Variants in ATP2C1 observed in about 807,000 individuals in gnomAD.
ATP2C1 encodes calcium-transporting ATPase type 2C member 1.
A neutral mutation model predicts 120.5 loss-of-function variants in ATP2C1; 31 were observed. That is an observed-to-expected ratio of 0.26 (90% confidence interval 0.19 to 0.35). The LOEUF (loss-of-function observed/expected upper bound fraction) is 0.35. Ranked by LOEUF, ATP2C1 falls within the 10% of genes least tolerant of loss-of-function variation. The pLI is 1.00. For synonymous variants in ATP2C1, 351 were observed against 358.7 expected (o/e 0.98, Z 0.24); for missense variants, 731 against 1,107.5 (o/e 0.66, Z 4.83).
chr3:130,894,170 C>CAA lies in ATP2C1; in HGVS notation c.-348_-347insAA. 3.4e-6 allele frequency: 2 copies of CAA among 590,702 alleles called. No homozygotes were observed. The highest frequency in any genetic ancestry group is 4.2e-6 in the Non-Finnish European group (2 of 470,944). The allele number at this position is 590,702 out of a possible 1,614,324, so 36.6% of individuals were successfully genotyped here. The stretch of plus-strand genomic sequence containing the variant: ...TCTCTCCCCTCCCCGCCCGCCCTCT[C>CAA]TCCCTCCCTTCCTCCCTCCCGCTCG... On this transcript the variant is annotated 5_prime_UTR_variant, in exon 1 of 28. Transcript: ENST00000510168. This position sits in a 1 kb window ranked among gnomAD's most constrained non-coding sequence, Gnocchi z 4.5.
upstream of ATP2C1, among the ~76,000 whole-genome samples, chr3:130,890,993 C>T (rs992733393): frequency 3.3e-5 from 5 of 152,186 alleles, no homozygotes; most frequent in African/African-American, 1.2e-4. Context: ...AAGAGGATCT[C>T]TTGAGCCTAG....
rs1248084055 is a variant in ATP2C1 at position 130,990,278 on chromosome 3, C to CG, written c.1840-2673_1840-2672insG. Among the ~76,000 whole-genome samples the CG allele has an allele frequency of 2.2e-5, 3 of 136,840 alleles. No individual in the cohort carries two copies. The East Asian group carries it at 6.9e-4, about 32-fold the overall frequency. 89.8% of individuals were successfully genotyped at this position (136,840 alleles called of 152,430 possible). A position where few individuals can be genotyped will look rare whatever the true frequency, so the allele number is the denominator to read the frequency against. On this transcript the variant is annotated intron_variant, in intron 20 of 27. Coordinates refer to ENST00000510168, the MANE Select transcript of ATP2C1 (RefSeq NM_001378687.1). ...AAATAAGTGCTTAAGAGCAACCCCC[C>CG]CCCCCACAAAAAAAGGCAAAATTTG...
At chr3:131,015,291 C>T in intron 26 of ATP2C1, 1 of 690,332 alleles carries the variant, frequency 1.4e-6, no homozygotes, top group Non-Finnish European at 2.6e-6. Flanking sequence ...AGCCCCTCCC[C>T]CCACAGAGTT....
intron 1 of ATP2C1, among the ~76,000 whole-genome samples, chr3:130,888,067 G>A (rs2107851960): frequency 6.6e-6 from 1 of 152,270 alleles, no homozygotes; most frequent in Admixed American, 6.5e-5. Flanking sequence ...GCCAGGTGTG[G>A]ATCCTTCCCT....
intron 8 of ATP2C1, among the ~76,000 whole-genome samples, chr3:130,946,499 C>T (rs750140425): frequency 1.4e-4 from 21 of 152,176 alleles, no homozygotes; most frequent in Non-Finnish European, 2.6e-4. Flanking sequence ...CAGAAATAAT[C>T]TCCTTGACTG....
upstream of ATP2C1, among the ~76,000 whole-genome samples, chr3:130,893,262 T>C (rs142823576): frequency 4.1e-3 from 625 of 152,300 alleles, 9 homozygotes; most frequent in Admixed American, 0.017. Flanking sequence ...AAAGAAGTGC[T>C]CGTTCATTGG....
At position 130,941,506 on chromosome 3, in the gene ATP2C1, G is replaced by A. The variant is rs2059917850; in HGVS notation, c.423-85G>A. On this transcript the variant is annotated intron_variant, in intron 7 of 27. Coordinates refer to ENST00000510168, the MANE Select transcript of ATP2C1 (RefSeq NM_001378687.1). ...GGTTCTTATATTTGCCTTTTCCTCA[G>A]ACAAGCCTACTGGAAATAATTTTTT... 2.7e-6 allele frequency: 3 copies of A among 1,116,704 alleles called. No homozygotes were observed. In the East Asian group the frequency reaches 7.2e-5, roughly 27 times the overall value. 69.2% of individuals were successfully genotyped at this position (1,116,704 alleles called of 1,614,324 possible).
chr3:130,918,593 T>G (rs1283729354), intron 2 of ATP2C1: 1 of 711,032 alleles, frequency 1.4e-6, no homozygotes, highest in Non-Finnish European at 2.7e-6. Flanking sequence ...AACTGTAGCC[T>G]TTTGGCCCAT....
Position 130,996,040 on chromosome 3 carries a change from C to T in ATP2C1, c.2058-3C>T, listed in dbSNP as rs373327312. ...CACTTCATCTTTATTTTTTAAATTT[C>T]AGGTCTGCAATCGAAGAGGGTAAAG... On this transcript the variant is annotated splice_polypyrimidine_tract_variant and splice_region_variant and intron_variant, in intron 22 of 27. Coordinates refer to ENST00000510168, the MANE Select transcript of ATP2C1 (RefSeq NM_001378687.1). The T allele has an allele frequency of 8.7e-5, 135 of 1,557,018 alleles. No homozygotes were observed. Among genetic ancestry groups the T allele is most frequent in the Non-Finnish European group, 1.2e-4 (132 of 1,129,250 alleles).
intron 4 of ATP2C1, among the ~76,000 whole-genome samples, chr3:130,932,771 T>C (rs896102633): frequency 6.6e-6 from 1 of 152,148 alleles, no homozygotes; most frequent in Non-Finnish European, 1.5e-5. Flanking sequence ...TAAACAAATA[T>C]TTTTTGCTAA....
rs770744539 is a variant in ATP2C1 at position 130,965,051 on chromosome 3, CTA to C, written c.1122+9_1122+10del. On this transcript the variant is annotated splice_region_variant and intron_variant, in intron 14 of 27. Coordinates refer to ENST00000510168, the MANE Select transcript of ATP2C1 (RefSeq NM_001378687.1). ...CAGATGGTCTGCATGCTGAGGTACT[CTA>C]TAGGTTTTTAAAAACAAACAAAAAC... is the stretch of plus-strand genomic sequence containing the variant. The C allele has an allele frequency of 2.5e-6, 4 of 1,596,632 alleles. No individual in the cohort carries two copies. The African/African-American group carries it at 5.4e-5, about 21-fold the overall frequency.
intron 2 of ATP2C1, among the ~76,000 whole-genome samples, chr3:130,895,355 A>G (rs924836542): frequency 2.0e-5 from 3 of 152,232 alleles, no homozygotes; most frequent in African/African-American, 7.2e-5. Flanking sequence ...GGAGGCTGAC[A>G]GCGGAACCTG....
At chr3:130,943,096 G>T (rs1225037687) in intron 8 of ATP2C1, among the ~76,000 whole-genome samples, 2 of 152,124 alleles carry the variant, frequency 1.3e-5, no homozygotes, top group East Asian at 3.8e-4. Context: ...TTAACTAAGG[G>T]TTAATTGACT....
upstream of ATP2C1, among the ~76,000 whole-genome samples, chr3:130,891,103 C>T (rs930554590): frequency 6.6e-6 from 1 of 152,100 alleles, no homozygotes; most frequent in African/African-American, 2.4e-5. Context: ...ATAAAATGTT[C>T]AACTTAAAAT....
chr3:130,966,038 G>T (rs563190680), intron 14 of ATP2C1, among the ~76,000 whole-genome samples: 8 of 152,136 alleles, frequency 5.3e-5, no homozygotes, highest in Non-Finnish European at 1.0e-4. Context: ...AGTCTATGCA[G>T]GATTTCTGAC....
intron 1 of ATP2C1, among the ~76,000 whole-genome samples, chr3:130,885,901 A>G (rs2068959295): frequency 6.6e-6 from 1 of 152,192 alleles, no homozygotes; most frequent in Admixed American, 6.5e-5. Context: ...AAGGTTTGTT[A>G]CATAGATAAA....
chr3:130,938,511 T>TA (rs898208478), intron 6 of ATP2C1, among the ~76,000 whole-genome samples: 1 of 152,248 alleles, frequency 6.6e-6, no homozygotes, highest in African/African-American at 2.4e-5. Flanking sequence ...ACCTAGTTGT[T>TA]ATTAGTTCTG....
downstream of ATP2C1, among the ~76,000 whole-genome samples, chr3:131,007,788 C>G (rs939213818): frequency 6.6e-6 from 1 of 152,152 alleles, no homozygotes; most frequent in Non-Finnish European, 1.5e-5. Flanking sequence ...GACCATTGCT[C>G]TTATCAGGTC....
chr3:130,959,122 C>G (rs755340694), intron 11 of ATP2C1, among the ~76,000 whole-genome samples, 153 bp from the exon 12 acceptor site: 5 of 152,042 alleles, frequency 3.3e-5, no homozygotes, highest in Admixed American at 6.6e-5. Context: ...CTTTAACCTC[C>G]CCTGTTTAAT....
Sources: gnomAD v4.1 joint callset for allele counts (sites outside exome capture counted in the v4.1 genomes callset) on GRCh38, gnomAD v4.1.1 for gene constraint, Gnocchi (gnomAD v3.1) non-coding constraint, MANE v1.5 for transcripts, NCBI Gene and HGNC (gene_info 2026-07-23, HGNC 2026-07-21) for gene names.